Variants in TRPC4 observed in about 807,000 individuals in gnomAD.
The protein encoded by TRPC4 is short transient receptor potential channel 4.
TRPC4 carries 49 observed loss-of-function variants against 99.4 expected under a neutral mutation model. The observed-to-expected ratio is 0.49, with a 90% CI of 0.39 to 0.63. The LOEUF (loss-of-function observed/expected upper bound fraction) is 0.63. TRPC4 is among the 20% of genes least tolerant of loss of function. TRPC4 has a pLI of 0.00. For missense variants in TRPC4, 898 were observed against 1,152.9 expected, an observed-to-expected ratio of 0.78 and a Z score of 3.20; for synonymous variants, 454 against 425.9, an observed-to-expected ratio of 1.07 and a Z score of -0.81.
intron 1 of TRPC4, among the ~76,000 whole-genome samples, chr13:37,811,165 A>G (rs1032579700): frequency 6.6e-6 from 1 of 152,168 alleles, no homozygotes; most frequent in African/African-American, 2.4e-5. Flanking sequence ...TTAGAAGCTA[A>G]TAATAAAATC....
intron 1 of TRPC4, among the ~76,000 whole-genome samples, chr13:37,813,956 T>G (rs1684032736): frequency 6.6e-6 from 1 of 151,628 alleles, no homozygotes; most frequent in South Asian, 2.1e-4. Context: ...AGACACCAAA[T>G]CCAGCAGTAT....
intron 1 of TRPC4, among the ~76,000 whole-genome samples, chr13:37,863,130 T>C (rs532320688): frequency 6.6e-6 from 1 of 151,598 alleles, no homozygotes; most frequent in African/African-American, 2.4e-5. Flanking sequence ...GTACACTCCA[T>C]GATGTTCGTG....
chr13:37,721,691 T>C (rs1344782560), intron 3 of TRPC4, among the ~76,000 whole-genome samples: 1 of 152,212 alleles, frequency 6.6e-6, no homozygotes, highest in Non-Finnish European at 1.5e-5. Context: ...GAATACAGAC[T>C]TTTCCAGTGA....
intron 3 of TRPC4, among the ~76,000 whole-genome samples, chr13:37,714,924 T>C (rs144550340): frequency 6.6e-6 from 1 of 152,340 alleles, no homozygotes; most frequent in African/African-American, 2.4e-5. Context: ...ACTCTACTTA[T>C]TCACCTCAGC....
intron 1 of TRPC4, among the ~76,000 whole-genome samples, chr13:37,813,198 T>A (rs939445995): frequency 6.6e-6 from 1 of 151,892 alleles, no homozygotes; most frequent in Non-Finnish European, 1.5e-5. Flanking sequence ...TTAGTTAATT[T>A]TATGAGATAA....
chr13:37,818,264 C>T (rs1392871396), intron 1 of TRPC4, among the ~76,000 whole-genome samples: 1 of 152,056 alleles, frequency 6.6e-6, no homozygotes, highest in East Asian at 1.9e-4. Flanking sequence ...CCATCTCACA[C>T]CAGTTAGAAT....
At chr13:37,821,795 A>G (rs1407353676) in intron 1 of TRPC4, among the ~76,000 whole-genome samples, 4 of 152,202 alleles carry the variant, frequency 2.6e-5, no homozygotes, top group Non-Finnish European at 5.9e-5. Flanking sequence ...TCCTTACACA[A>G]TATACAAAAA....
At chr13:37,702,500 T>C (rs973752627) in intron 3 of TRPC4, among the ~76,000 whole-genome samples, 17 of 152,180 alleles carry the variant, frequency 1.1e-4, no homozygotes, top group Admixed American at 2.6e-4. Context: ...TTTATAACAC[T>C]GTTTTATTAA....
chr13:37,638,955 A>T, intron 10 of TRPC4, 85 bp downstream of exon 10: 2 of 1,399,142 alleles, frequency 1.4e-6, no homozygotes, highest in South Asian at 2.4e-5. Context: ...ACACAGCTGC[A>T]TTTCCAGCTC....
At chr13:37,808,691 C>A (rs558335440) in intron 1 of TRPC4, among the ~76,000 whole-genome samples, 9 of 152,122 alleles carry the variant, frequency 5.9e-5, no homozygotes, top group Admixed American at 5.9e-4. Context: ...ATACAAAGGG[C>A]TCTGCTAGCA....
At chr13:37,721,787 AT>A (rs1283795302) in intron 3 of TRPC4, among the ~76,000 whole-genome samples, 4 of 151,988 alleles carry the variant, frequency 2.6e-5, no homozygotes, top group Non-Finnish European at 4.4e-5. Flanking sequence ...GATTTTATTT[AT>A]TTTTTTACTT....
intron 3 of TRPC4, among the ~76,000 whole-genome samples, chr13:37,712,130 TATCTTTAGAA>T (rs1334306272): frequency 6.6e-6 from 1 of 152,128 alleles, no homozygotes; most frequent in Non-Finnish European, 1.5e-5. Context: ...AGATGATGGA[TATCTTTAGAA>T]ATTTCAAAAG....
intron 7 of TRPC4, 90 bp from the exon 8 acceptor site, chr13:37,651,549 C>G: frequency 1.7e-6 from 2 of 1,189,788 alleles, no homozygotes; most frequent in Non-Finnish European, 2.4e-6. Context: ...TGACTTCAAG[C>G]GGCTCTTGGA....
chr13:37,726,721 A>G (rs1232783251), intron 3 of TRPC4, among the ~76,000 whole-genome samples: 1 of 152,172 alleles, frequency 6.6e-6, no homozygotes, highest in Admixed American at 6.5e-5. Flanking sequence ...CTCACCTTAA[A>G]TTCAAACACG....
At chr13:37,654,991 T>G (rs1952176433) in intron 7 of TRPC4, 97 bp downstream of exon 7, 1 of 975,218 alleles carries the variant, frequency 1.0e-6, no homozygotes, top group African/African-American at 1.7e-5. Context: ...CAATAGCTAA[T>G]TATAGATTTT....
rs1459095268 is a variant in TRPC4, at chr13:37,632,931, A to T, written c.*3972T>A. The stretch of plus-strand genomic sequence containing the variant: ...AAGACAAAATGTTCCCCAAATAAAA[A>T]GTCAGTGGTCAAGGCATTTATAATG... On this transcript the variant is annotated 3_prime_UTR_variant, in exon 11 of 11. Transcript: ENST00000379705. Among the ~76,000 whole-genome samples the T allele has an allele frequency of 6.6e-6, 1 of 152,192 alleles. No individual in the cohort carries two copies. Among genetic ancestry groups the T allele is most frequent in the Non-Finnish European group, 1.5e-5 (1 of 68,034 alleles).
intron 1 of TRPC4, among the ~76,000 whole-genome samples, chr13:37,796,968 A>ATAAAGTAAAG (rs548354406): frequency 1.6e-4 from 18 of 115,126 alleles, no homozygotes; most frequent in Admixed American, 2.7e-4. Context: ...ATAAAATAAA[A>ATAAAGTAAAG]TAAAGTAAAG....
chr13:37,769,431 C>T (rs1956485490), intron 2 of TRPC4, among the ~76,000 whole-genome samples: 2 of 151,412 alleles, frequency 1.3e-5, no homozygotes, highest in Admixed American at 1.3e-4. Flanking sequence ...CTAAGGGAAC[C>T]TGTATATTAT....
At position 37,859,067 on chromosome 13, in the gene TRPC4, T is replaced by C. The variant is rs149340963; in HGVS notation, c.-28+10528A>G. Among the ~76,000 whole-genome samples, 213 of 151,360 alleles carry C rather than the reference T, an allele frequency of 1.4e-3. 2 individuals carry two copies. Among genetic ancestry groups the C allele is most frequent in the Non-Finnish European group, 4.1e-4 (28 of 67,480 alleles). On this transcript the variant is annotated intron_variant, in intron 1 of 10. Coordinates refer to ENST00000379705, the MANE Select transcript of TRPC4 (RefSeq NM_016179.4). ...CCCATAAATACATACACCTACTATG[T>C]ACACAAAAAATTAAAAATAAAAAAT...
Sources: gnomAD v4.1 joint callset for allele counts (sites outside exome capture counted in the v4.1 genomes callset) on GRCh38, gnomAD v4.1.1 for gene constraint, MANE v1.5 for transcripts, NCBI Gene and HGNC (gene_info 2026-07-23, HGNC 2026-07-21) for gene names.